DOT1L: variants seen among roughly 807,000 people sequenced by gnomAD.
DOT1L encodes DOT1 like histone lysine methyltransferase.
DOT1L carries 33 observed loss-of-function variants against 153.3 expected under a neutral mutation model. The ratio of observed to expected loss-of-function variants is 0.22; its 90% confidence interval spans 0.16 to 0.29. The LOEUF (loss-of-function observed/expected upper bound fraction) is 0.29, where lower values mean the gene tolerates loss of function less well. DOT1L is among the 10% of genes least tolerant of loss of function. The pLI is 1.00. For missense variants in DOT1L, 1,847 were observed against 2,119.9 expected (o/e 0.87, Z 2.53); for synonymous variants, 1,135 against 965.1 (o/e 1.18, Z -3.26).
intron 1 of DOT1L, among the ~76,000 whole-genome samples, chr19:2,165,256 G>T (rs2019864635): frequency 7.2e-6 from 1 of 139,136 alleles, no homozygotes; most frequent in Non-Finnish European, 1.5e-5. Flanking sequence ...GGGCCCGGCC[G>T]GGCATCCCCG....
intron 1 of DOT1L, among the ~76,000 whole-genome samples, chr19:2,174,705 G>T (rs1209487408): frequency 6.7e-6 from 1 of 150,338 alleles, no homozygotes; most frequent in Non-Finnish European, 1.5e-5. Context: ...CTGCAGCCTT[G>T]AACTCCTGGG....
chr19:2,202,479 C>T (rs983183067), intron 8 of DOT1L, among the ~76,000 whole-genome samples: 3 of 152,226 alleles, frequency 2.0e-5, no homozygotes, highest in Admixed American at 2.0e-4. Context: ...GGTCACGAAT[C>T]CTGCCCCCTC....
Position 2,186,023 on chromosome 19 carries a change from A to G in DOT1L, c.200+94A>G. ...GCATCCTATAATTAGCTCTTCTTAG[A>G]TGGTGCAAGCTGATCTGAAATTTCC... On this transcript the variant is annotated intron_variant, in intron 3 of 27. Coordinates refer to ENST00000398665, the MANE Select transcript of DOT1L (RefSeq NM_032482.3). The G allele has an allele frequency of 2.5e-6, 3 of 1,206,680 alleles. No homozygotes were observed. In the East Asian group the frequency reaches 7.0e-5, roughly 28 times the overall value. The allele number at this position is 1,206,680 out of a possible 1,614,324, so 74.7% of individuals were successfully genotyped here. A position where few individuals can be genotyped will look rare whatever the true frequency, so the allele number is the denominator to read the frequency against.
intron 1 of DOT1L, among the ~76,000 whole-genome samples, chr19:2,175,246 G>A (rs571908803): frequency 3.3e-5 from 5 of 152,134 alleles, no homozygotes; most frequent in South Asian, 4.1e-4. Context: ...GATCCTGCCC[G>A]CCTTGGCCTC....
Position 2,210,913 on chromosome 19 carries a change from C to T in DOT1L, c.1351+58C>T, listed in dbSNP as rs1007127466. ...CCCCGAGTGCGGATGCCTGGGGTCC[C>T]CTCTGCTGGGACGCTGCCCTCCTGA... On this transcript the variant is annotated intron_variant, in intron 14 of 27. Coordinates refer to ENST00000398665, the MANE Select transcript of DOT1L (RefSeq NM_032482.3). The T allele has an allele frequency of 3.8e-6, 6 of 1,582,716 alleles. No individual in the cohort carries two copies. In the East Asian group the frequency reaches 6.9e-5, roughly 18 times the overall value.
rs766016375 is a variant in DOT1L at position 2,226,851 on chromosome 19, C to G, written c.4330C>G (p.Leu1444Val). The change falls in exon 27 of 28, where the codon CTG becomes GTG. Residue 1444 changes from leucine (L) to valine (V), a missense_variant. By Grantham distance (32) the Leu-to-Val change is conservative. Transcript: ENST00000398665. The part of the protein sequence containing the change: ...PPGSLLSGPG[L>V]APAASSAGGA... Reference sequence around the variant, plus strand: ...CGGAAGCCTCCTCAGCGGCCCCGGCCTGGCCCCGGCGGCGTCCTCCGCAGG... The same window carrying G: ...CGGAAGCCTCCTCAGCGGCCCCGGCGTGGCCCCGGCGGCGTCCTCCGCAGG... The G allele has an allele frequency of 1.1e-5, 18 of 1,579,008 alleles. No individual in the cohort carries two copies. The South Asian group carries it at 2.0e-4, about 18-fold the overall frequency.
At chr19:2,200,508 G>T (rs2023210418) in intron 8 of DOT1L, among the ~76,000 whole-genome samples, 1 of 152,162 alleles carries the variant, frequency 6.6e-6, no homozygotes, top group Non-Finnish European at 1.5e-5. Flanking sequence ...GGGCCCCCGT[G>T]CTTTCCACTG....
chr19:2,210,694 A>G lies in DOT1L; in HGVS notation c.1190A>G (p.Lys397Arg). 3 of 1,613,190 alleles carry G rather than the reference A, an allele frequency of 1.9e-6. No homozygotes were observed. Among genetic ancestry groups the G allele is most frequent in the Non-Finnish European group, 1.7e-6 (2 of 1,179,992 alleles). ...CCGTCTCCCTCCAAAGCCCGCAAGA[A>G]GAAGCTAAACAAGAAGGGGAGGAAG... ...KKPSPSKARKKKLNKKGRKMA... is the reference protein window; with the variant it reads ...KKPSPSKARKRKLNKKGRKMA... The change falls in exon 14 of 28, where the codon AAG (lysine) becomes AGG (arginine). Residue 397 changes from lysine (K) to arginine (R), a missense_variant. By Grantham distance (26) the Lys-to-Arg change is conservative. Transcript: ENST00000398665.
intron 12 of DOT1L, 43 bp downstream of exon 12, chr19:2,209,019 C>T (rs755047458): frequency 7.5e-6 from 12 of 1,601,248 alleles, no homozygotes; most frequent in Non-Finnish European, 1.0e-5. Flanking sequence ...AACACGCATG[C>T]ACTGATGTGG....
intron 5 of DOT1L, among the ~76,000 whole-genome samples, chr19:2,192,731 A>T (rs1191754310): frequency 1.3e-5 from 2 of 151,586 alleles, no homozygotes; most frequent in Non-Finnish European, 2.9e-5. Context: ...TCCTGCCTGT[A>T]ATCCCAATGC....
At chr19:2,206,446 T>C (rs994628972) in intron 9 of DOT1L, among the ~76,000 whole-genome samples, 1 of 146,600 alleles carries the variant, frequency 6.8e-6, no homozygotes, top group Non-Finnish European at 1.5e-5. Context: ...TAATCACAGC[T>C]ACTCGCAAGG....
At position 2,207,082 on chromosome 19, in the gene DOT1L, G is replaced by C. The variant is rs2023527865; in HGVS notation, c.856+285G>C. On this transcript the variant is annotated intron_variant, in intron 10 of 27. Transcript: ENST00000398665. The surrounding 1 kb of genome is among the most constrained non-coding windows in gnomAD (Gnocchi z 4.5). Reference sequence around the variant, plus strand: ...GGAGACCCCGGCTTCGAGGGGAGGCGTGAAGGATTTACAGGACTTTTGTGG... The same window carrying C: ...GGAGACCCCGGCTTCGAGGGGAGGCCTGAAGGATTTACAGGACTTTTGTGG... Among the ~76,000 whole-genome samples the C allele has an allele frequency of 6.6e-6, 1 of 152,208 alleles. No individual in the cohort carries two copies. The highest frequency in any genetic ancestry group is 6.5e-5 in the Admixed American group (1 of 15,274).
chr19:2,180,835 TGTG>T (rs2144697976), intron 2 of DOT1L, 79 bp downstream of exon 2: 1 of 1,559,198 alleles, frequency 6.4e-7, no homozygotes, highest in East Asian at 2.3e-5. Context: ...CAGATTCTGT[TGTG>T]GGGATGGCTC....
At position 2,216,536 on chromosome 19, in the gene DOT1L, A is replaced by G. The variant is rs2144867584; in HGVS notation, c.2179A>G (p.Ser727Gly). 1.2e-6 allele frequency: 2 copies of G among 1,611,562 alleles called. No homozygotes were observed. The highest frequency in any genetic ancestry group is 8.5e-7 in the Non-Finnish European group (1 of 1,179,820). Residue 727 changes from serine (S) to glycine (G), a missense_variant, in exon 20 of 28, where the codon AGC (serine) becomes GGC (glycine). Ser to Gly is a moderately conservative substitution (Grantham distance 56, BLOSUM62 0). Around this residue, in one of 8 missense-constraint regions of DOT1L, gnomAD observed 281 missense variants for 263.6 expected, o/e 1.07. Transcript: ENST00000398665. ...AAGYELCGVL[S>G]RPSSKQNTPQ... The stretch of plus-strand genomic sequence containing the variant: ...TGGCTATGAGCTCTGCGGTGTGCTG[A>G]GCCGGCCTTCGTCGAAGCAGAACAC...
At chr19:2,194,310 A>G (rs1168570371) in intron 6 of DOT1L, among the ~76,000 whole-genome samples, 3 of 152,112 alleles carry the variant, frequency 2.0e-5, no homozygotes, top group African/African-American at 7.2e-5. Flanking sequence ...AGCTGGGACT[A>G]CAGGCGCCCC....
intron 3 of DOT1L, among the ~76,000 whole-genome samples, chr19:2,187,035 G>A (rs779642137): frequency 5.9e-5 from 9 of 152,212 alleles, no homozygotes; most frequent in South Asian, 2.1e-4. Context: ...GGGTTTTCAC[G>A]GAGGCTTCTC....
intron 1 of DOT1L, chr19:2,164,477 G>C: frequency 3.0e-6 from 1 of 333,250 alleles, no homozygotes; most frequent in Non-Finnish European, 5.4e-6. Context: ...CCTGGGGTGG[G>C]AGCGGGAGCC....
In DOT1L at chr19:2,208,438, G is replaced by A. The variant is rs577536459; in HGVS notation, c.964-497G>A. 4.6e-5 allele frequency among the ~76,000 whole-genome samples: 7 copies of A among 152,196 alleles called. No homozygotes were observed. In the East Asian group the frequency reaches 1.2e-3, roughly 25 times the overall value. On this transcript the variant is annotated intron_variant, in intron 11 of 27. Transcript: ENST00000398665. The surrounding 1 kb of genome is among the most constrained non-coding windows in gnomAD (Gnocchi z 4.4). ...TGGGGACCGACAGCCCCAGGCAGAT[G>A]CACCCCGCCCTCCCACTGCTCCCCC...
At chr19:2,177,181 G>A (rs1234371213) in intron 1 of DOT1L, among the ~76,000 whole-genome samples, 5 of 152,322 alleles carry the variant, frequency 3.3e-5, no homozygotes, top group East Asian at 3.9e-4. Context: ...CTAGCCACTC[G>A]GCTGTGGGCA....
Sources: allele counts gnomAD v4.1 joint callset (sites outside exome capture counted in the v4.1 genomes callset), GRCh38; gene constraint gnomAD v4.1.1; regional missense constraint gnomAD v4.1.1; non-coding constraint Gnocchi (gnomAD v3.1); transcripts MANE v1.5; gene names NCBI Gene and HGNC (gene_info 2026-07-23, HGNC 2026-07-21).